The following TMEM132C variants were observed in gnomAD, a reference collection of about 807,000 sequenced individuals.
The protein encoded by TMEM132C is transmembrane protein 132C, also known as protein phosphatase 1, regulatory subunit 152.
In TMEM132C, 29 loss-of-function variants were observed where a neutral mutation model predicts 61.4. The ratio of observed to expected loss-of-function variants is 0.47; its 90% CI spans 0.35 to 0.64. The LOEUF (loss-of-function observed/expected upper bound fraction) is 0.64. TMEM132C is among the 30% of genes least tolerant of loss of function. TMEM132C has a pLI of 0.00. For synonymous variants in TMEM132C, 656 were observed against 633.1 expected, an observed-to-expected ratio of 1.04 and a Z score of -0.54; for missense variants, 1,408 against 1,476.9, an observed-to-expected ratio of 0.95 and a Z score of 0.76.
chr12:128,327,743 T>C (rs1161907010), intron 1 of TMEM132C, among the ~76,000 whole-genome samples: 1 of 152,038 alleles, frequency 6.6e-6, no homozygotes, highest in East Asian at 1.9e-4. Flanking sequence ...ATTTAAGAAA[T>C]ACATTGGTTC....
At chr12:128,620,945 AT>A (rs1953958044) in intron 4 of TMEM132C, among the ~76,000 whole-genome samples, 1 of 152,068 alleles carries the variant, frequency 6.6e-6, no homozygotes, top group African/African-American at 2.4e-5. Flanking sequence ...TGATTATCTA[AT>A]TCTTACCTCT....
chr12:128,675,425 A>C (rs1954573795), intron 5 of TMEM132C, among the ~76,000 whole-genome samples: 2 of 152,364 alleles, frequency 1.3e-5, no homozygotes, highest in African/African-American at 4.8e-5. Context: ...TCTAACTAGA[A>C]GGCCAAAAGC....
intron 1 of TMEM132C, among the ~76,000 whole-genome samples, chr12:128,402,953 C>T (rs544696048): frequency 1.4e-4 from 22 of 152,194 alleles, no homozygotes; most frequent in Non-Finnish European, 2.2e-4. Flanking sequence ...GATTATGGAG[C>T]GCTCCCAGAG....
rs138957410 is a variant in TMEM132C at position 128,492,871 on chromosome 12, A to T, written c.975-51086A>T. Among the ~76,000 whole-genome samples the T allele has an allele frequency of 1.0e-3, 152 of 152,188 alleles. 4 individuals are homozygous for T. The highest frequency in any genetic ancestry group is 8.7e-3 in the East Asian group (45 of 5,178). On this transcript the variant is annotated intron_variant, in intron 2 of 8. Coordinates refer to ENST00000435159, the MANE Select transcript of TMEM132C (RefSeq NM_001136103.3). ...TTTAGTTTAATTGGTCCCATTTGTC[A>T]ATTTTGGCTTTTGTTGCCATTGCTT...
At chr12:128,675,467 A>T (rs935457505) in intron 5 of TMEM132C, among the ~76,000 whole-genome samples, 1 of 152,238 alleles carries the variant, frequency 6.6e-6, no homozygotes, top group Non-Finnish European at 1.5e-5. Context: ...GTCTCTGTAC[A>T]TTCAAATTTT....
chr12:128,597,295 C>T (rs1876004234), intron 3 of TMEM132C, among the ~76,000 whole-genome samples: 1 of 151,836 alleles, frequency 6.6e-6, no homozygotes, highest in African/African-American at 2.4e-5. Context: ...GCCTGGCCAA[C>T]ATGGTGAAAC....
intron 2 of TMEM132C, among the ~76,000 whole-genome samples, chr12:128,515,601 A>C (rs944246262): frequency 6.6e-6 from 1 of 152,192 alleles, no homozygotes; most frequent in Non-Finnish European, 1.5e-5. Context: ...TGGGAGGCCG[A>C]GGCGGGTGGA....
intron 2 of TMEM132C, among the ~76,000 whole-genome samples, chr12:128,486,368 T>C (rs1871491074): frequency 6.6e-6 from 1 of 151,984 alleles, no homozygotes; most frequent in Non-Finnish European, 1.5e-5. Flanking sequence ...CCTTTCTCAA[T>C]AATAGGAAAA....
intron 4 of TMEM132C, among the ~76,000 whole-genome samples, chr12:128,626,839 C>T (rs895706038): frequency 2.0e-5 from 3 of 152,158 alleles, no homozygotes; most frequent in Admixed American, 2.0e-4. Context: ...GATTCTCAGA[C>T]CTCACCTGCT....
At chr12:128,413,460 C>T (rs908224290) in intron 1 of TMEM132C, among the ~76,000 whole-genome samples, 10 of 151,878 alleles carry the variant, frequency 6.6e-5, no homozygotes, top group African/African-American at 2.2e-4. Context: ...CCAGAAAGGT[C>T]GTACCGCTTT....
intron 4 of TMEM132C, among the ~76,000 whole-genome samples, chr12:128,644,550 A>T (rs1399616470): frequency 6.6e-6 from 1 of 152,226 alleles, no homozygotes. Flanking sequence ...AAAAAAGGCA[A>T]AACTATAGGG....
intron 4 of TMEM132C, among the ~76,000 whole-genome samples, chr12:128,660,570 C>T (rs1954377371): frequency 6.6e-6 from 1 of 152,192 alleles, no homozygotes. Context: ...TATGGGCTTC[C>T]CACTTGTTGT....
intron 4 of TMEM132C, among the ~76,000 whole-genome samples, chr12:128,665,695 GCACA>G (rs1233223001): frequency 3.2e-5 from 3 of 93,942 alleles, no homozygotes; most frequent in African/African-American, 9.0e-5. Context: ...ACACATACAG[GCACA>G]CACACATTCA....
chr12:128,462,817 A>G (rs193269737), intron 2 of TMEM132C, among the ~76,000 whole-genome samples: 1 of 152,334 alleles, frequency 6.6e-6, no homozygotes, highest in Non-Finnish European at 1.5e-5. Flanking sequence ...AGAAGATGAG[A>G]GCCCCAGTGT....
At chr12:128,375,232 G>A (rs937702874) in intron 1 of TMEM132C, among the ~76,000 whole-genome samples, 12 of 152,074 alleles carry the variant, frequency 7.9e-5, no homozygotes, top group East Asian at 1.9e-4. Flanking sequence ...CAGTGTGACC[G>A]GGGTGGGCGG....
At chr12:128,577,549 C>A (rs891815682) in intron 3 of TMEM132C, among the ~76,000 whole-genome samples, 2 of 152,210 alleles carry the variant, frequency 1.3e-5, no homozygotes, top group Non-Finnish European at 2.9e-5. Context: ...AGTGGCTGAG[C>A]GTTCTGTCCC....
intron 3 of TMEM132C, among the ~76,000 whole-genome samples, chr12:128,607,023 C>T (rs534476902): frequency 7.9e-5 from 12 of 152,038 alleles, no homozygotes; most frequent in African/African-American, 2.4e-4. Context: ...CAGGACAGGT[C>T]GGAGGGTGAC....
chr12:128,415,417 T>A lies in TMEM132C; in HGVS notation c.771T>A (p.Asp257Glu). 1 of 1,551,400 alleles carries A rather than the reference T, an allele frequency of 6.4e-7. No homozygotes were observed. Among genetic ancestry groups the A allele is most frequent in the Non-Finnish European group, 8.7e-7 (1 of 1,146,794 alleles). Residue 257 changes from aspartate to glutamate, a missense_variant, in exon 2 of 9, where the codon GAT becomes GAA. By Grantham distance (45) the Asp-to-Glu change is conservative (BLOSUM62 2). Transcript: ENST00000435159. This position sits in a 1 kb window ranked among gnomAD's most constrained non-coding sequence, Gnocchi z 5.8. ...GCAACGCCATCCGTCCAGGAAAGGA[T>A]GGGCTGGAGGAAACCACGTCCCACC... ...RKGNAIRPGKDGLEETTSHLQ... is the reference protein window; with the variant it reads ...RKGNAIRPGKEGLEETTSHLQ...
chr12:128,372,960 G>T (rs932840772), intron 1 of TMEM132C, among the ~76,000 whole-genome samples: 2 of 152,212 alleles, frequency 1.3e-5, no homozygotes, highest in Non-Finnish European at 2.9e-5. Context: ...ACATTCAGAA[G>T]CATCCAGTGC....
Sources: gnomAD v4.1 joint callset for allele counts (sites outside exome capture counted in the v4.1 genomes callset) on GRCh38, gnomAD v4.1.1 for gene constraint, Gnocchi (gnomAD v3.1) non-coding constraint, MANE v1.5 for transcripts, NCBI Gene and HGNC (gene_info 2026-07-23, HGNC 2026-07-21) for gene names.